CAMK1D: variants seen among roughly 807,000 people sequenced by gnomAD.
CAMK1D encodes calcium/calmodulin dependent protein kinase ID, also known as calcium/calmodulin-dependent protein kinase type 1D.
In CAMK1D, 9 loss-of-function variants were observed where a neutral mutation model predicts 47.7. The observed-to-expected ratio is 0.19, with a 90% CI of 0.11 to 0.33. CAMK1D has a LOEUF of 0.33. Among genes scored for constraint, CAMK1D ranks in the 10% least tolerant of loss-of-function variants. The pLI, the probability that CAMK1D is intolerant of heterozygous loss-of-function variation, is 1.00. For missense variants in CAMK1D, 291 were observed against 488.7 expected (o/e 0.60, Z 3.81); for synonymous variants, 184 against 184.9 (o/e 0.99, Z 0.04).
chr10:12,458,324 G>A (rs904605103), intron 1 of CAMK1D, among the ~76,000 whole-genome samples: 1 of 152,192 alleles, frequency 6.6e-6, no homozygotes, highest in Non-Finnish European at 1.5e-5. Context: ...GACCTAGAGA[G>A]GAAGGCGAGA....
chr10:12,627,966 G>A (rs1325084234), intron 2 of CAMK1D, among the ~76,000 whole-genome samples: 1 of 151,734 alleles, frequency 6.6e-6, no homozygotes, highest in Admixed American at 6.6e-5. Context: ...CTGTAATCCC[G>A]GCTACTCAGG....
At chr10:12,472,801 C>T (rs1328608302) in intron 1 of CAMK1D, among the ~76,000 whole-genome samples, 3 of 152,262 alleles carry the variant, frequency 2.0e-5, no homozygotes, top group East Asian at 1.9e-4. Flanking sequence ...GGATTACAGG[C>T]GTGAGCCACC....
intron 1 of CAMK1D, among the ~76,000 whole-genome samples, chr10:12,409,946 A>C (rs1018109914): frequency 7.9e-5 from 12 of 152,226 alleles, no homozygotes; most frequent in African/African-American, 2.2e-4. Flanking sequence ...AAATGGGATC[A>C]TGAAATATTT....
Position 12,596,499 on chromosome 10 carries a change from G to A in CAMK1D, c.224+43143G>A, listed in dbSNP as rs77947139. Among the ~76,000 whole-genome samples the A allele has an allele frequency of 1.5e-4, 23 of 152,232 alleles. No homozygotes were observed. The East Asian group carries it at 4.3e-3, about 28-fold the overall frequency. The stretch of plus-strand genomic sequence containing the variant: ...CATTTGGCTTACCTAGGAACCCAAG[G>A]TGCTGGAGCCATCTCAGCCTAGTGG... On this transcript the variant is annotated intron_variant, in intron 2 of 10. Transcript: ENST00000619168.
intron 2 of CAMK1D, chr10:12,652,992 T>C (rs1184743739): frequency 1.3e-5 from 2 of 152,498 alleles, no homozygotes; most frequent in African/African-American, 4.8e-5. Flanking sequence ...GGGTAGTTTA[T>C]AAAGAACCTT....
intron 1 of CAMK1D, among the ~76,000 whole-genome samples, chr10:12,425,324 C>T (rs1303638350): frequency 6.6e-6 from 1 of 150,912 alleles, no homozygotes; most frequent in Non-Finnish European, 1.5e-5. Context: ...CTCTGTCCCC[C>T]AGGCTGGGGT....
intron 3 of CAMK1D, among the ~76,000 whole-genome samples, chr10:12,747,006 T>C (rs533068409): frequency 7.0e-6 from 1 of 141,910 alleles, no homozygotes; most frequent in East Asian, 2.0e-4. Context: ...GAAAGAGTTG[T>C]TTTTTTTTTA....
At chr10:12,760,816 TAGG>T (rs1395217317) in intron 3 of CAMK1D, 129 bp from the exon 4 acceptor site, 10 of 918,534 alleles carry the variant, frequency 1.1e-5, no homozygotes, top group Non-Finnish European at 1.5e-5. Context: ...CTCTGAGGAA[TAGG>T]GGGGCAACAT....
intron 2 of CAMK1D, among the ~76,000 whole-genome samples, chr10:12,637,366 T>C (rs927512321): frequency 3.9e-5 from 6 of 152,218 alleles, no homozygotes; most frequent in African/African-American, 9.7e-5. Context: ...TCGAAAGTCA[T>C]GCGTTTGTTC....
At chr10:12,751,408 C>T (rs767463955) in intron 3 of CAMK1D, among the ~76,000 whole-genome samples, 2 of 152,188 alleles carry the variant, frequency 1.3e-5, no homozygotes, top group Non-Finnish European at 2.9e-5. Flanking sequence ...AGCTCCACCC[C>T]GCTTGGCCAT....
intron 3 of CAMK1D, among the ~76,000 whole-genome samples, chr10:12,689,172 G>A (rs1047331713): frequency 2.6e-5 from 4 of 152,196 alleles, no homozygotes; most frequent in Admixed American, 1.3e-4. Context: ...GTGACTCTCT[G>A]TTGTCTCAGG....
intron 2 of CAMK1D, among the ~76,000 whole-genome samples, chr10:12,616,013 ATGTGTGTTGCTG>A (rs969390137): frequency 2.1e-5 from 3 of 144,110 alleles, no homozygotes; most frequent in African/African-American, 7.8e-5. Flanking sequence ...GTGGGTGTGC[ATGTGTGTTGCTG>A]TGTGTGTGGG....
At chr10:12,729,444 T>C (rs1834794558) in intron 3 of CAMK1D, among the ~76,000 whole-genome samples, 1 of 152,018 alleles carries the variant, frequency 6.6e-6, no homozygotes, top group Non-Finnish European at 1.5e-5. Context: ...AAGACCAGCC[T>C]GGGTAACATA....
At chr10:12,508,313 A>G (rs1834939871) in intron 1 of CAMK1D, among the ~76,000 whole-genome samples, 1 of 152,268 alleles carries the variant, frequency 6.6e-6, no homozygotes, top group Admixed American at 6.5e-5. Context: ...GTGGAATATT[A>G]TGCAACCTTA....
At position 12,528,701 on chromosome 10, in the gene CAMK1D, A is replaced by T. The variant is rs76411080; in HGVS notation, c.93-24524A>T. 6.6e-3 allele frequency among the ~76,000 whole-genome samples: 1,005 copies of T among 151,704 alleles called. 25 individuals carry two copies. Among genetic ancestry groups the T allele is most frequent in the East Asian group, 0.042 (217 of 5,148 alleles). On this transcript the variant is annotated intron_variant, in intron 1 of 10. Transcript: ENST00000619168. ...AGTGTCAGATGTTATAGATAAGGAA[A>T]CAGCTCTAGAGAGGTAAAGTGAGGA...
At chr10:12,766,679 C>A (rs1393105043) in intron 4 of CAMK1D, among the ~76,000 whole-genome samples, 2 of 152,110 alleles carry the variant, frequency 1.3e-5, no homozygotes, top group African/African-American at 4.8e-5. Flanking sequence ...AAAATAATTT[C>A]TTTCTAGCTC....
At chr10:12,680,381 GTTGT>G (rs1232932524) in intron 3 of CAMK1D, among the ~76,000 whole-genome samples, 2 of 152,082 alleles carry the variant, frequency 1.3e-5, no homozygotes, top group African/African-American at 2.4e-5. Flanking sequence ...GTTTTTAGTT[GTTGT>G]TTGTTTGTTT....
At chr10:12,598,877 A>G (rs1478423863) in intron 2 of CAMK1D, among the ~76,000 whole-genome samples, 1 of 152,218 alleles carries the variant, frequency 6.6e-6, no homozygotes, top group African/African-American at 2.4e-5. Context: ...GAGGCCTACA[A>G]AGACCAAAAT....
chr10:12,439,626 C>T (rs73587080), intron 1 of CAMK1D, among the ~76,000 whole-genome samples: 6,045 of 152,192 alleles, frequency 0.04, 408 homozygotes, highest in African/African-American at 0.14. Flanking sequence ...TTCACTGTCC[C>T]GGGAATCCTG....
Sources: allele counts gnomAD v4.1 joint callset (sites outside exome capture counted in the v4.1 genomes callset), GRCh38; gene constraint gnomAD v4.1.1; transcripts MANE v1.5; gene names NCBI Gene and HGNC (gene_info 2026-07-23, HGNC 2026-07-21).